The following NBEAL1 variants were observed in gnomAD, a reference collection of about 807,000 sequenced individuals.
NBEAL1 encodes the protein neurobeachin like 1, also known as neurobeachin-like protein 1.
In NBEAL1, 273 loss-of-function variants were observed where a neutral mutation model predicts 351.3. The observed-to-expected ratio is 0.78, with a 90% CI of 0.70 to 0.86. The LOEUF (loss-of-function observed/expected upper bound fraction) is 0.86. Ranked by LOEUF, NBEAL1 falls within the 40% of genes least tolerant of loss-of-function variation. The pLI is 0.00. For synonymous variants in NBEAL1, 1,050 were observed against 1,086.4 expected (o/e 0.97, Z 0.66); for missense variants, 2,961 against 3,201.3 (o/e 0.92, Z 1.81).
intron 12 of NBEAL1, among the ~76,000 whole-genome samples, chr2:203,105,888 A>G (rs1234657824): frequency 6.6e-6 from 1 of 152,306 alleles, no homozygotes; most frequent in Non-Finnish European, 1.5e-5. Flanking sequence ...TTAAAAAATT[A>G]AGCTTTATAT....
chr2:203,068,152 C>T (rs2106125608), intron 6 of NBEAL1, among the ~76,000 whole-genome samples: 1 of 152,116 alleles, frequency 6.6e-6, no homozygotes, highest in South Asian at 2.1e-4. Flanking sequence ...GTTCATTTTC[C>T]AGTTATTTGG....
intron 6 of NBEAL1, 40 bp downstream of exon 6, chr2:203,057,493 T>C (rs769924124): frequency 6.7e-7 from 1 of 1,492,950 alleles, no homozygotes; most frequent in South Asian, 1.2e-5. Context: ...AAAACCTGAA[T>C]GTCATAATAT....
chr2:203,207,204 G>A (rs1469844245), intron 51 of NBEAL1, among the ~76,000 whole-genome samples: 1 of 151,356 alleles, frequency 6.6e-6, no homozygotes, highest in Non-Finnish European at 1.5e-5. Context: ...TCTGAGAAGT[G>A]AGGAGCCCCT....
intron 51 of NBEAL1, among the ~76,000 whole-genome samples, chr2:203,203,844 C>G (rs1233697577): frequency 2.6e-5 from 4 of 151,910 alleles, no homozygotes; most frequent in Admixed American, 2.0e-4. Flanking sequence ...GTAATGTTCT[C>G]AGATAGTCTT....
rs1185343199 is a variant in NBEAL1, at chr2:203,097,607, T to C, written c.1159T>C (p.Leu387=). ...GAACGAGAAAGACCTTGCCAACAAA[T>C]TACTGACAGAAATGAATGAGGACCA... ...DKNEKDLANK[L]LTEMNEDQVF... The change falls in exon 11 of 56, where the codon TTA becomes CTA. Residue 387 remains leucine (L), a synonymous_variant. Transcript: ENST00000683969. 1 of 985,556 alleles carries C rather than the reference T, an allele frequency of 1.0e-6. No individual in the cohort carries two copies. The highest frequency in any genetic ancestry group is 1.7e-5 in the African/African-American group (1 of 57,228). 61.1% of individuals were successfully genotyped at this position (985,556 alleles called of 1,614,324 possible). A position where few individuals can be genotyped will look rare whatever the true frequency, so the allele number is the denominator to read the frequency against.
rs1210246242 is a variant in NBEAL1 at position 203,099,655 on chromosome 2, G to A, written c.1212G>A (p.Leu404=). The A allele has an allele frequency of 6.4e-7, 1 of 1,551,208 alleles. No homozygotes were observed. The change falls in exon 12 of 56, where the codon TTG becomes TTA. Residue 404 remains leucine, a synonymous_variant. Coordinates refer to ENST00000683969, the MANE Select transcript of NBEAL1 (RefSeq NM_001378026.1). ...TGTTTCAGGGACAATTGGATTGTTT[G>A]GCCATATCAACCATTCAGGCTTTGA... ...DQVFQGQLDC[L]AISTIQALTA... is the part of the protein sequence containing the mutation.
chr2:203,116,685 G>A (rs2062705834), intron 18 of NBEAL1, among the ~76,000 whole-genome samples: 1 of 151,268 alleles, frequency 6.6e-6, no homozygotes, highest in African/African-American at 2.4e-5. Flanking sequence ...AGCTACTTGG[G>A]AGGCAAAGGC....
At chr2:203,170,036 A>G (rs1314443519) in intron 39 of NBEAL1, among the ~76,000 whole-genome samples, 185 bp downstream of exon 39, 1 of 152,110 alleles carries the variant, frequency 6.6e-6, no homozygotes, top group African/African-American at 2.4e-5. Context: ...CACCTCCTGT[A>G]TCATTCAGTT....
At chr2:203,070,190 A>G (rs1289459023) in intron 7 of NBEAL1, among the ~76,000 whole-genome samples, 1 of 151,638 alleles carries the variant, frequency 6.6e-6, no homozygotes, top group African/African-American at 2.4e-5. Flanking sequence ...CTGAATGGAC[A>G]TTGACTTTTT....
At chr2:203,197,883 T>A (rs923129162) in intron 48 of NBEAL1, among the ~76,000 whole-genome samples, 1 of 152,090 alleles carries the variant, frequency 6.6e-6, no homozygotes, top group African/African-American at 2.4e-5. Flanking sequence ...CACTCCAGCC[T>A]GGGTGACAAG....
At chr2:203,123,309 A>G (rs1575003741) in intron 19 of NBEAL1, among the ~76,000 whole-genome samples, 1 of 151,606 alleles carries the variant, frequency 6.6e-6, no homozygotes, top group African/African-American at 2.4e-5. Context: ...TTGGTATAAG[A>G]ACACTTGTTC....
intron 2 of NBEAL1, among the ~76,000 whole-genome samples, chr2:203,017,010 A>G (rs1442414649): frequency 6.6e-6 from 1 of 152,230 alleles, no homozygotes; most frequent in African/African-American, 2.4e-5. Context: ...AGTAGCCGAG[A>G]AACACAGTAC....
chr2:203,113,425 T>C (rs2062617295), intron 17 of NBEAL1, 107 bp downstream of exon 17: 2 of 638,042 alleles, frequency 3.1e-6, no homozygotes, highest in Non-Finnish European at 4.5e-6. Flanking sequence ...TTCTGAAGAA[T>C]ATATTTCATG....
At chr2:203,077,467 T>C (rs1286822375) in intron 7 of NBEAL1, among the ~76,000 whole-genome samples, 2 of 152,212 alleles carry the variant, frequency 1.3e-5, no homozygotes, top group African/African-American at 2.4e-5. Context: ...AGGCAAGATA[T>C]TAACTTCTGA....
intron 35 of NBEAL1, among the ~76,000 whole-genome samples, chr2:203,156,678 TA>T (rs1028746426): frequency 4.1e-4 from 63 of 152,120 alleles, no homozygotes; most frequent in African/African-American, 1.4e-3. Context: ...AGCTGTACGT[TA>T]CGTTGATTCA....
chr2:203,054,112 G>A (rs556313125), intron 4 of NBEAL1, among the ~76,000 whole-genome samples: 1 of 152,094 alleles, frequency 6.6e-6, no homozygotes, highest in Admixed American at 6.5e-5. Context: ...ACCATGCCTG[G>A]CCAATTGTTT....
rs1364478676 is a variant in NBEAL1 at position 203,107,680 on chromosome 2, C to T, written c.1441C>T (p.Gln481Ter). The T allele has an allele frequency of 6.4e-7, 1 of 1,552,958 alleles. No individual in the cohort carries two copies. Among genetic ancestry groups the T allele is most frequent in the Non-Finnish European group, 8.7e-7 (1 of 1,147,308 alleles). The change falls in exon 14 of 56, where the codon CAG becomes TAG. Residue 481 changes from glutamine (Q) to a stop codon, truncating the protein, a stop_gained. Transcript: ENST00000683969. LOFTEE classifies it high-confidence loss of function. ...SNVQPLLLLI[Q>*]WLPELQSHDL... ...TGTCCAACCTCTCTTGCTTCTTATCCAGTGGCTTCCAGAACTACAATCCCA... is the reference window on the plus strand; with the variant it reads ...TGTCCAACCTCTCTTGCTTCTTATCTAGTGGCTTCCAGAACTACAATCCCA...
chr2:203,018,767 A>C (rs1261277784), intron 2 of NBEAL1, among the ~76,000 whole-genome samples: 3 of 152,116 alleles, frequency 2.0e-5, no homozygotes, highest in Admixed American at 6.5e-5. Context: ...TATAACTGTC[A>C]ATTTGCCCTA....
At chr2:203,017,545 A>C (rs1018696088) in intron 2 of NBEAL1, among the ~76,000 whole-genome samples, 1 of 152,178 alleles carries the variant, frequency 6.6e-6, no homozygotes, top group Non-Finnish European at 1.5e-5. Context: ...TAAAAAAGGA[A>C]TCCAATTCAC....
Sources: gnomAD v4.1 joint callset for allele counts (sites outside exome capture counted in the v4.1 genomes callset) on GRCh38, gnomAD v4.1.1 for gene constraint, MANE v1.5 for transcripts, NCBI Gene and HGNC (gene_info 2026-07-23, HGNC 2026-07-21) for gene names.